Variants in GRK5 observed in about 807,000 individuals in gnomAD.
GRK5 encodes the protein G protein-coupled receptor kinase 5.
Under a neutral mutation model 78.4 loss-of-function variants are expected in GRK5, and 40 were observed. That is an observed-to-expected ratio of 0.51 (90% confidence interval 0.40 to 0.66). GRK5 has a LOEUF of 0.66. Ranked by LOEUF, GRK5 falls within the 30% of genes least tolerant of loss-of-function variation. The pLI, the probability that GRK5 is intolerant of heterozygous loss-of-function variation, is 0.00. For missense variants in GRK5, 598 were observed against 759.9 expected (o/e 0.79, Z 2.50); for synonymous variants, 289 against 296.8 (o/e 0.97, Z 0.27).
At chr10:119,261,527 C>T (rs1246360042) in intron 1 of GRK5, among the ~76,000 whole-genome samples, 2 of 152,092 alleles carry the variant, frequency 1.3e-5, no homozygotes, top group Non-Finnish European at 2.9e-5. Context: ...AATCTCGGCA[C>T]TTTGGGAGGC....
intron 1 of GRK5, among the ~76,000 whole-genome samples, chr10:119,244,950 A>T (rs1412514494): frequency 1.3e-5 from 2 of 152,204 alleles, no homozygotes; most frequent in Admixed American, 1.3e-4. Context: ...GGATTACCAC[A>T]TGGTCCAGCA....
chr10:119,394,377 GGT>G (rs1229032027), intron 3 of GRK5, among the ~76,000 whole-genome samples: 3 of 8,334 alleles, frequency 3.6e-4, no homozygotes, highest in Admixed American at 1.2e-3. Context: ...TGTGGGTGTC[GGT>G]GTGTGTATCT....
In GRK5 at chr10:119,290,415, C is replaced by T. The variant is rs145173024; in HGVS notation, c.53-36101C>T. On this transcript the variant is annotated intron_variant, in intron 1 of 15. Coordinates refer to ENST00000392870, the MANE Select transcript of GRK5 (RefSeq NM_005308.3). ...CTGTGGCCGTCACCTCTAACCTCTACGGCTGTTATTCTGGTTCAGTCTCAT... is the reference window on the plus strand; with the variant it reads ...CTGTGGCCGTCACCTCTAACCTCTATGGCTGTTATTCTGGTTCAGTCTCAT... Among the ~76,000 whole-genome samples the T allele has an allele frequency of 1.3e-3, 200 of 151,158 alleles. 1 individual carries two copies. Among genetic ancestry groups the T allele is most frequent in the African/African-American group, 4.0e-3 (163 of 41,232 alleles).
chr10:119,449,062 C>G (rs958267685), intron 13 of GRK5, among the ~76,000 whole-genome samples: 4 of 152,164 alleles, frequency 2.6e-5, no homozygotes, highest in Non-Finnish European at 5.9e-5. Context: ...GGGACTGGGC[C>G]GGGGACTATG....
chr10:119,387,240 G>A (rs1430737405), intron 3 of GRK5, among the ~76,000 whole-genome samples: 2 of 152,190 alleles, frequency 1.3e-5, no homozygotes, highest in Non-Finnish European at 2.9e-5. Flanking sequence ...CTGACCTCAA[G>A]TGATCCGCCT....
At chr10:119,269,426 G>A (rs567260574) in intron 1 of GRK5, among the ~76,000 whole-genome samples, 1 of 152,276 alleles carries the variant, frequency 6.6e-6, no homozygotes, top group South Asian at 2.1e-4. Context: ...AGCAGCACCC[G>A]TGTGGTTAGC....
intron 1 of GRK5, among the ~76,000 whole-genome samples, chr10:119,324,554 G>T (rs1032732142): frequency 1.3e-5 from 2 of 152,116 alleles, no homozygotes; most frequent in African/African-American, 4.8e-5. Context: ...CTTGAACCCG[G>T]GAGAGGCAGA....
chr10:119,361,211 G>A (rs1851356881), intron 2 of GRK5, among the ~76,000 whole-genome samples: 1 of 152,240 alleles, frequency 6.6e-6, no homozygotes, highest in Non-Finnish European at 1.5e-5. Flanking sequence ...GGCAGAGAAT[G>A]GCGCATCAGA....
chr10:119,209,028 G>C (rs766896013), intron 1 of GRK5, among the ~76,000 whole-genome samples: 1 of 152,142 alleles, frequency 6.6e-6, no homozygotes, highest in Non-Finnish European at 1.5e-5. Flanking sequence ...AAGGCAGACT[G>C]AGTAAGGGCT....
intron 2 of GRK5, among the ~76,000 whole-genome samples, chr10:119,347,639 A>C (rs74387332): frequency 0.035 from 5,372 of 152,356 alleles, 181 homozygotes; most frequent in African/African-American, 0.09. Context: ...AGAGTGTCCC[A>C]GGCTGGAACC....
intron 2 of GRK5, among the ~76,000 whole-genome samples, chr10:119,329,387 G>C (rs918292848): frequency 6.6e-6 from 1 of 152,144 alleles, no homozygotes; most frequent in Non-Finnish European, 1.5e-5. Context: ...AGAGAAGAAG[G>C]CAGACTGGCT....
chr10:119,277,736 C>T (rs1849692415), intron 1 of GRK5, among the ~76,000 whole-genome samples: 1 of 152,204 alleles, frequency 6.6e-6, no homozygotes, highest in African/African-American at 2.4e-5. Flanking sequence ...CTTCCTGTCC[C>T]CTGAACCCTA....
chr10:119,277,897 C>A (rs999546916), intron 1 of GRK5, among the ~76,000 whole-genome samples: 4 of 151,890 alleles, frequency 2.6e-5, no homozygotes, highest in African/African-American at 7.3e-5. Context: ...TTTTGAGATT[C>A]ATCTACACTG....
At chr10:119,275,878 C>T (rs1420191266) in intron 1 of GRK5, among the ~76,000 whole-genome samples, 1 of 152,088 alleles carries the variant, frequency 6.6e-6, no homozygotes, top group Non-Finnish European at 1.5e-5. Context: ...AAGGGAGGGC[C>T]GCAGGAGTTT....
At chr10:119,357,950 C>T (rs1047562772) in intron 2 of GRK5, among the ~76,000 whole-genome samples, 1 of 152,150 alleles carries the variant, frequency 6.6e-6, no homozygotes, top group Non-Finnish European at 1.5e-5. Flanking sequence ...GGGTGGGCAG[C>T]GTCTGCTGAG....
In GRK5 at chr10:119,431,654, G is replaced by A. The variant is rs990851959; in HGVS notation, c.738+127G>A. ...CCTGGGAAGGGGAATGCCAGTGGCAGCGCTGAGCTACAGAAAGGCCGCAAG... is the reference window on the plus strand; with the variant it reads ...CCTGGGAAGGGGAATGCCAGTGGCAACGCTGAGCTACAGAAAGGCCGCAAG... On this transcript the variant is annotated intron_variant, in intron 8 of 15. Transcript: ENST00000392870. The surrounding 1 kb of genome is among the most constrained non-coding windows in gnomAD (Gnocchi z 4.8). The A allele has an allele frequency of 2.0e-5, 23 of 1,131,622 alleles. No individual in the cohort carries two copies. The African/African-American group carries it at 2.8e-4, about 14-fold the overall frequency. The allele number at this position is 1,131,622 out of a possible 1,614,324, so 70.1% of individuals were successfully genotyped here. A position where few individuals can be genotyped will look rare whatever the true frequency, so the allele number is the denominator to read the frequency against.
chr10:119,439,737 G>A lies in GRK5; in HGVS notation c.936G>A (p.Leu312=). The A allele has an allele frequency of 6.2e-7, 1 of 1,614,040 alleles. No individual in the cohort carries two copies. Among genetic ancestry groups the A allele is most frequent in the Non-Finnish European group, 8.5e-7 (1 of 1,179,970 alleles). Reference sequence around the variant, plus strand: ...TTGTTGTTTTTCCTTTCAGAGATCTGAAACCTGAAAACATCCTGTTAGATG... The same window carrying A: ...TTGTTGTTTTTCCTTTCAGAGATCTAAAACCTGAAAACATCCTGTTAGATG... ...LHRENTVYRD[L]KPENILLDDY... is the part of the protein sequence containing the mutation. Residue 312 remains leucine, a synonymous_variant, in exon 10 of 16, where the codon CTG becomes CTA. Transcript: ENST00000392870.
At chr10:119,347,837 G>C (rs1304004923) in intron 2 of GRK5, among the ~76,000 whole-genome samples, 1 of 152,210 alleles carries the variant, frequency 6.6e-6, no homozygotes, top group African/African-American at 2.4e-5. Flanking sequence ...GTCTTCCCTG[G>C]GGGGCAGGGA....
chr10:119,226,587 C>T (rs1309486535), intron 1 of GRK5, among the ~76,000 whole-genome samples: 2 of 150,846 alleles, frequency 1.3e-5, no homozygotes, highest in African/African-American at 2.4e-5. Flanking sequence ...CACGCTTGCC[C>T]AGGCTGGAGT....
Sources: allele counts gnomAD v4.1 joint callset (sites outside exome capture counted in the v4.1 genomes callset), GRCh38; gene constraint gnomAD v4.1.1; non-coding constraint Gnocchi (gnomAD v3.1); transcripts MANE v1.5; gene names NCBI Gene and HGNC (gene_info 2026-07-23, HGNC 2026-07-21).